Variants in SEMA5A observed in about 807,000 individuals in gnomAD.
The protein encoded by SEMA5A is semaphorin 5A, also known as semaphorin-5A.
A neutral mutation model predicts 135.5 loss-of-function variants in SEMA5A; 55 were observed. That is an observed-to-expected ratio of 0.41 (90% CI 0.33 to 0.51). The LOEUF (loss-of-function observed/expected upper bound fraction) is 0.51, where lower values mean the gene tolerates loss of function less well. SEMA5A is among the 20% of genes least tolerant of loss of function. The probability of loss-of-function intolerance (pLI) is 0.37; values close to 1 mark genes in which losing one functional copy is unlikely to be tolerated. For synonymous variants in SEMA5A, 580 were observed against 546.5 expected (o/e 1.06, Z -0.85); for missense variants, 1,290 against 1,419.9 (o/e 0.91, Z 1.47).
intron 6 of SEMA5A, among the ~76,000 whole-genome samples, chr5:9,231,465 CAAAAAAAAA>C (rs58901854): frequency 3.1e-5 from 2 of 64,674 alleles, no homozygotes; most frequent in African/African-American, 6.5e-5. Context: ...GACTCCATCT[CAAAAAAAAA>C]AAAAAAAAAA....
At chr5:9,368,361 C>T (rs959944251) in intron 3 of SEMA5A, among the ~76,000 whole-genome samples, 2 of 152,146 alleles carry the variant, frequency 1.3e-5, no homozygotes, top group African/African-American at 4.8e-5. Context: ...GTTTATGCAT[C>T]CTCATTTGAG....
intron 1 of SEMA5A, among the ~76,000 whole-genome samples, chr5:9,483,860 T>G (rs905597875): frequency 2.0e-5 from 3 of 152,118 alleles, no homozygotes; most frequent in African/African-American, 7.2e-5. Context: ...TTGAAGGGAA[T>G]AGACAAATAA....
In SEMA5A at chr5:9,154,636, G is replaced by T; in HGVS notation, c.1333C>A (p.Leu445Met). Reference sequence around the variant, plus strand: ...TCAGGGAAGAGCTCAATCTCTTCCAGCAAACAGCTGCTTGAGGTCTGATTC... The same window carrying T: ...TCAGGGAAGAGCTCAATCTCTTCCATCAAACAGCTGCTTGAGGTCTGATTC... ...PLNQTSSSCLLEEIELFPERR... is the reference protein window; with the variant it reads ...PLNQTSSSCLMEEIELFPERR... The change falls in exon 12 of 23, where the codon CTG (leucine) becomes ATG (methionine). Residue 445 changes from leucine to methionine, a missense_variant. Physicochemically the swap from Leu to Met is conservative, Grantham distance 15. This residue lies in a region of SEMA5A where 1,029 missense variants were observed against 1,086.6 expected (regional missense o/e 0.95). Coordinates refer to ENST00000382496, the MANE Select transcript of SEMA5A (RefSeq NM_003966.3). 1 of 1,614,100 alleles carries T rather than the reference G, an allele frequency of 6.2e-7. No individual in the cohort carries two copies. The highest frequency in any genetic ancestry group is 8.5e-7 in the Non-Finnish European group (1 of 1,180,010).
intron 3 of SEMA5A, among the ~76,000 whole-genome samples, chr5:9,354,954 G>A (rs938124473): frequency 3.9e-5 from 6 of 152,162 alleles, no homozygotes; most frequent in African/African-American, 7.2e-5. Context: ...GGAGTGTAAC[G>A]AGAGACAGGA....
chr5:9,117,765 C>A (rs1211399919), intron 15 of SEMA5A, among the ~76,000 whole-genome samples: 1 of 152,140 alleles, frequency 6.6e-6, no homozygotes, highest in African/African-American at 2.4e-5. Flanking sequence ...AAACTTCCAA[C>A]CAATTTAAAA....
intron 1 of SEMA5A, among the ~76,000 whole-genome samples, chr5:9,492,481 G>T (rs1436208763): frequency 2.0e-5 from 3 of 152,032 alleles, no homozygotes; most frequent in Non-Finnish European, 4.4e-5. Context: ...AGGAAACCAG[G>T]CTCTATGCAT....
At chr5:9,225,992 G>A (rs1467768914) in intron 7 of SEMA5A, among the ~76,000 whole-genome samples, 3 of 152,170 alleles carry the variant, frequency 2.0e-5, no homozygotes, top group Non-Finnish European at 4.4e-5. Flanking sequence ...CATAAAAGGG[G>A]GCCCCAAAGA....
At chr5:9,113,209 T>C in intron 15 of SEMA5A, among the ~76,000 whole-genome samples, 1 of 152,330 alleles carries the variant, frequency 6.6e-6, no homozygotes, top group East Asian at 1.9e-4. Flanking sequence ...AATGTTATTA[T>C]ATAACAACTA....
intron 3 of SEMA5A, among the ~76,000 whole-genome samples, chr5:9,341,145 A>C (rs1753630958): frequency 6.6e-6 from 1 of 151,740 alleles, no homozygotes; most frequent in South Asian, 2.1e-4. Flanking sequence ...TAAACTTCCA[A>C]GTACAATATA....
chr5:9,434,104 G>A (rs976631453), intron 2 of SEMA5A, among the ~76,000 whole-genome samples: 1 of 152,108 alleles, frequency 6.6e-6, no homozygotes, highest in African/African-American at 2.4e-5. Context: ...TGACTTTTGT[G>A]AACTGGAAGC....
At chr5:9,044,350 C>T (rs1170777966) in intron 22 of SEMA5A, 23 bp downstream of exon 22, 2 of 1,594,554 alleles carry the variant, frequency 1.3e-6, no homozygotes, top group East Asian at 2.2e-5. Context: ...AGGCACTTAG[C>T]AGAAATATTA....
At chr5:9,444,625 A>G (rs951759470) in intron 1 of SEMA5A, among the ~76,000 whole-genome samples, 82 of 152,232 alleles carry the variant, frequency 5.4e-4, no homozygotes, top group Non-Finnish European at 2.5e-4. Flanking sequence ...CATTTTTGCA[A>G]TTGCGAACTG....
chr5:9,423,596 T>C (rs1757546211), intron 2 of SEMA5A, among the ~76,000 whole-genome samples: 1 of 152,224 alleles, frequency 6.6e-6, no homozygotes, highest in Admixed American at 6.5e-5. Flanking sequence ...ATGCTTTACA[T>C]TAATAGGCCA....
intron 14 of SEMA5A, among the ~76,000 whole-genome samples, chr5:9,120,398 T>A (rs182497485): frequency 1.1e-4 from 16 of 152,178 alleles, no homozygotes; most frequent in African/African-American, 3.9e-4. Context: ...GAGAAAATTC[T>A]TAGAATATTT....
chr5:9,173,022 T>C (rs1744010914), intron 11 of SEMA5A, among the ~76,000 whole-genome samples: 2 of 152,126 alleles, frequency 1.3e-5, no homozygotes, highest in African/African-American at 4.8e-5. Context: ...GTTCTCTTGG[T>C]CAGAAACTTA....
rs879928346 is a variant in SEMA5A at position 9,384,701 on chromosome 5, TAGATAGATAGATAGAC to T, written c.-77-4694_-77-4679del. Among the ~76,000 whole-genome samples the T allele has an allele frequency of 7.1e-3, 1,004 of 142,244 alleles. 72 individuals carry two copies. The highest frequency in any genetic ancestry group is 0.026 in the African/African-American group (958 of 37,064). 93.3% of individuals were successfully genotyped at this position (142,244 alleles called of 152,430 possible). Reference sequence around the variant, plus strand: ...ATAGATAGATAGATAGATAGATAGATAGATAGATAGATAGACAGACAGACAGACAGACAGACAGACA... The same window carrying T: ...ATAGATAGATAGATAGATAGATAGATAGACAGACAGACAGACAGACAGACA... On this transcript the variant is annotated intron_variant, in intron 2 of 22. Transcript: ENST00000382496.
rs932329158 is a variant in SEMA5A, at chr5:9,414,723, T to C, written c.-78+23033A>G. On this transcript the variant is annotated intron_variant, in intron 2 of 22. Coordinates refer to ENST00000382496, the MANE Select transcript of SEMA5A (RefSeq NM_003966.3). ...AGTAAGAGAAGAAAAGCATTAGTCATTTTACCTAGTATCACACCATGGGCT... is the reference window on the plus strand; with the variant it reads ...AGTAAGAGAAGAAAAGCATTAGTCACTTTACCTAGTATCACACCATGGGCT... Among the ~76,000 whole-genome samples, 5 of 152,320 alleles carry C rather than the reference T, an allele frequency of 3.3e-5. No individual in the cohort carries two copies. In the South Asian group the frequency reaches 1.0e-3, roughly 32 times the overall value.
intron 1 of SEMA5A, among the ~76,000 whole-genome samples, chr5:9,490,378 G>T (rs1301676448): frequency 6.6e-6 from 1 of 151,692 alleles, no homozygotes; most frequent in Non-Finnish European, 1.5e-5. Context: ...CAGATGTTTA[G>T]GACTGAGAAA....
intron 1 of SEMA5A, among the ~76,000 whole-genome samples, chr5:9,538,069 T>C (rs1286592534): frequency 6.6e-6 from 1 of 152,030 alleles, no homozygotes; most frequent in Non-Finnish European, 1.5e-5. Context: ...ACTAAACAGA[T>C]GGAAGGTGCA....
Sources: gnomAD v4.1 joint callset for allele counts (sites outside exome capture counted in the v4.1 genomes callset) on GRCh38, gnomAD v4.1.1 for gene constraint, gnomAD v4.1.1 regional missense constraint, MANE v1.5 for transcripts, NCBI Gene and HGNC (gene_info 2026-07-23, HGNC 2026-07-21) for gene names.